The following ADAMTSL1 variants were observed in gnomAD, a reference collection of about 807,000 sequenced individuals.
ADAMTSL1 encodes ADAMTS like 1.
A neutral mutation model predicts 201.8 loss-of-function variants in ADAMTSL1; 126 were observed. The ratio of observed to expected loss-of-function variants is 0.62; its 90% CI spans 0.54 to 0.72. The LOEUF (loss-of-function observed/expected upper bound fraction) is 0.72, where lower values mean the gene tolerates loss of function less well. Among genes scored for constraint, ADAMTSL1 ranks in the 30% least tolerant of loss-of-function variants. The pLI is 0.00. For missense variants in ADAMTSL1, 2,679 were observed against 2,277.8 expected, an observed-to-expected ratio of 1.18 and a Z score of -3.59; for synonymous variants, 1,121 against 903.4, an observed-to-expected ratio of 1.24 and a Z score of -4.32.
chr9:18,409,435 C>A (rs991172399), intron 2 of ADAMTSL1, among the ~76,000 whole-genome samples: 1 of 148,526 alleles, frequency 6.7e-6, no homozygotes, highest in Non-Finnish European at 1.5e-5. Context: ...AACTGACATC[C>A]AAAGAAATGA....
At chr9:18,195,003 C>A (rs1231789648) in intron 2 of ADAMTSL1, among the ~76,000 whole-genome samples, 1 of 152,206 alleles carries the variant, frequency 6.6e-6, no homozygotes, top group East Asian at 1.9e-4. Context: ...GCATGAAAGA[C>A]TAGTAATCAG....
chr9:18,099,926 C>G (rs950201405), intron 1 of ADAMTSL1, among the ~76,000 whole-genome samples: 3 of 151,982 alleles, frequency 2.0e-5, no homozygotes, highest in African/African-American at 7.2e-5. Context: ...GCGCCCGGCC[C>G]TTTTTCAAAG....
intron 1 of ADAMTSL1, among the ~76,000 whole-genome samples, chr9:18,118,493 C>T (rs1359974577): frequency 2.0e-5 from 3 of 152,140 alleles, no homozygotes; most frequent in Non-Finnish European, 4.4e-5. Context: ...AATGAAAGTG[C>T]CCAGTCATTA....
At chr9:18,528,972 C>G (rs1347988342) in intron 2 of ADAMTSL1, among the ~76,000 whole-genome samples, 1 of 151,884 alleles carries the variant, frequency 6.6e-6, no homozygotes, top group African/African-American at 2.4e-5. Flanking sequence ...ATATTAACGA[C>G]CTGTTAAAAA....
chr9:18,447,170 C>T (rs1381219945), intron 2 of ADAMTSL1, among the ~76,000 whole-genome samples: 1 of 152,040 alleles, frequency 6.6e-6, no homozygotes, highest in African/African-American at 2.4e-5. Flanking sequence ...CATAATGAAG[C>T]AAATATTTTC....
At chr9:18,671,113 T>C (rs576097812) in intron 9 of ADAMTSL1, among the ~76,000 whole-genome samples, 44 of 152,314 alleles carry the variant, frequency 2.9e-4, no homozygotes, top group African/African-American at 8.4e-4. Flanking sequence ...CCATTTTTTT[T>C]CTTCAAATAT....
chr9:18,363,272 T>C (rs1252580887), intron 2 of ADAMTSL1, among the ~76,000 whole-genome samples: 1 of 152,198 alleles, frequency 6.6e-6, no homozygotes, highest in African/African-American at 2.4e-5. Flanking sequence ...CTGCCACAAA[T>C]TGTTGGCCAT....
intron 1 of ADAMTSL1, among the ~76,000 whole-genome samples, chr9:17,978,250 C>A (rs925874199): frequency 2.0e-5 from 3 of 152,026 alleles, no homozygotes; most frequent in Admixed American, 2.0e-4. Context: ...TTTTATCCCT[C>A]TATGTCTTTT....
rs573954559 is a variant in ADAMTSL1 at position 18,854,294 on chromosome 9, T to C, written c.4249+24317T>C. Among the ~76,000 whole-genome samples, 7 of 152,298 alleles carry C rather than the reference T, an allele frequency of 4.6e-5. No homozygotes were observed. The South Asian group carries it at 1.5e-3, about 32-fold the overall frequency. On this transcript the variant is annotated intron_variant, in intron 23 of 28. Transcript: ENST00000380548. ...TTGCCCAGTGGTATTGGCATTGATATTGTTAATACAACCGTAGGTTCCCTG... is the reference window on the plus strand; with the variant it reads ...TTGCCCAGTGGTATTGGCATTGATACTGTTAATACAACCGTAGGTTCCCTG...
intron 2 of ADAMTSL1, among the ~76,000 whole-genome samples, chr9:18,193,973 CT>C (rs1829074248): frequency 6.6e-6 from 1 of 152,088 alleles, no homozygotes; most frequent in African/African-American, 2.4e-5. Flanking sequence ...TTAGTAGCTT[CT>C]TTTTGTTGTA....
chr9:18,083,425 C>CT (rs886255954), intron 1 of ADAMTSL1, among the ~76,000 whole-genome samples: 5 of 152,176 alleles, frequency 3.3e-5, no homozygotes, highest in African/African-American at 7.2e-5. Flanking sequence ...TGAGACTAGG[C>CT]TTTTTTGGAT....
At chr9:18,161,593 A>C (rs1271922045) in intron 1 of ADAMTSL1, among the ~76,000 whole-genome samples, 2 of 152,056 alleles carry the variant, frequency 1.3e-5, no homozygotes, top group Non-Finnish European at 2.9e-5. Context: ...TCAAAAAGAG[A>C]ATTGCATAAG....
intron 2 of ADAMTSL1, among the ~76,000 whole-genome samples, chr9:18,529,110 C>G (rs144983325): frequency 1.3e-5 from 2 of 152,286 alleles, no homozygotes; most frequent in African/African-American, 4.8e-5. Flanking sequence ...CACCTAGCTA[C>G]TTATGTGAAA....
intron 2 of ADAMTSL1, among the ~76,000 whole-genome samples, chr9:18,522,664 C>G (rs1329224768): frequency 6.8e-6 from 1 of 146,680 alleles, no homozygotes; most frequent in East Asian, 2.1e-4. Flanking sequence ...CTGTTCAATT[C>G]CCACCTATGA....
At chr9:17,960,120 C>T (rs578091259) in intron 1 of ADAMTSL1, among the ~76,000 whole-genome samples, 3 of 152,280 alleles carry the variant, frequency 2.0e-5, no homozygotes, top group African/African-American at 7.2e-5. Flanking sequence ...TTCCATTGTA[C>T]TATTTTCAAC....
chr9:18,296,988 A>G (rs141037153), intron 2 of ADAMTSL1, among the ~76,000 whole-genome samples: 2 of 152,310 alleles, frequency 1.3e-5, no homozygotes, highest in East Asian at 3.9e-4. Flanking sequence ...ACTGGCCACC[A>G]CCACCACCTC....
chr9:18,872,535 G>A (rs1827928379), intron 23 of ADAMTSL1, among the ~76,000 whole-genome samples: 1 of 152,064 alleles, frequency 6.6e-6, no homozygotes, highest in African/African-American at 2.4e-5. Context: ...TCATTCTTAT[G>A]ACTTTGCATC....
intron 1 of ADAMTSL1, among the ~76,000 whole-genome samples, chr9:17,987,181 T>C (rs1221014424): frequency 2.0e-5 from 3 of 152,104 alleles, no homozygotes; most frequent in Non-Finnish European, 4.4e-5. Context: ...TTTAGGAATC[T>C]AAAGTAATGG....
intron 26 of ADAMTSL1, among the ~76,000 whole-genome samples, chr9:18,893,865 C>T (rs978304895): frequency 6.6e-6 from 1 of 152,178 alleles, no homozygotes; most frequent in Non-Finnish European, 1.5e-5. Flanking sequence ...TGATTTTAGT[C>T]CAAGTAAAAC....
Sources: gnomAD v4.1 joint callset for allele counts (sites outside exome capture counted in the v4.1 genomes callset) on GRCh38, gnomAD v4.1.1 for gene constraint, MANE v1.5 for transcripts, NCBI Gene and HGNC (gene_info 2026-07-23, HGNC 2026-07-21) for gene names.